CHRNA6: variants seen among roughly 807,000 people sequenced by gnomAD.
The protein encoded by CHRNA6 is neuronal acetylcholine receptor subunit alpha-6.
Under a neutral mutation model 40.9 loss-of-function variants are expected in CHRNA6, and 31 were observed. The ratio of observed to expected loss-of-function variants is 0.76; its 90% CI spans 0.57 to 1.02. CHRNA6 has a LOEUF of 1.02. Ranked by LOEUF, CHRNA6 falls within the 50% of genes least tolerant of loss-of-function variation. The probability of loss-of-function intolerance (pLI) is 0.00; values close to 1 mark genes in which losing one functional copy is unlikely to be tolerated. For missense variants in CHRNA6, 546 were observed against 596.6 expected (o/e 0.92, Z 0.88); for synonymous variants, 222 against 221.3 (o/e 1.00, Z -0.03).
intron 1 of CHRNA6, among the ~76,000 whole-genome samples, chr8:42,766,240 C>T (rs1200476192): frequency 6.6e-6 from 1 of 152,178 alleles, no homozygotes; most frequent in Non-Finnish European, 1.5e-5. Flanking sequence ...CGCCTGTAAT[C>T]TCAGCACTTT....
At chr8:42,757,732 C>CA (rs34358773) in intron 3 of CHRNA6, among the ~76,000 whole-genome samples, 3,368 of 105,142 alleles carry the variant, frequency 0.032, 78 homozygotes, top group Non-Finnish European at 0.053. Flanking sequence ...GACTCTGTCT[C>CA]AAAAAAAAAA....
Position 42,753,239 on chromosome 8 carries a change from A to G in CHRNA6, c.1425T>C (p.Cys475=). 6.2e-7 allele frequency: 1 copy of G among 1,612,248 alleles called. No homozygotes were observed. The change falls in exon 6 of 6, where the codon TGT becomes TGC. Residue 475 remains cysteine, a synonymous_variant. Transcript: ENST00000276410. ...RVFLWVFIIV[C]VFGTAGLFLQ... ...GAAATAGCCCTGCAGTTCCAAATAC[A>G]CAGACAATTATAAATACCCAAAGAA...
intron 1 of CHRNA6, 53 bp downstream of exon 1, chr8:42,768,299 T>C (rs1330304441): frequency 7.1e-7 from 1 of 1,412,266 alleles, no homozygotes; most frequent in African/African-American, 1.4e-5. Context: ...GAAAAGAGAG[T>C]AAACACATGT....
At chr8:42,759,175 G>T in intron 2 of CHRNA6, 62 bp from the exon 3 acceptor site, 1 of 1,312,128 alleles carries the variant, frequency 7.6e-7, no homozygotes, top group Non-Finnish European at 1.1e-6. Context: ...GAGACTTAGA[G>T]CAAAAATTAC....
intron 3 of CHRNA6, among the ~76,000 whole-genome samples, chr8:42,757,964 G>A (rs1047459708): frequency 2.6e-5 from 4 of 151,886 alleles, no homozygotes; most frequent in African/African-American, 9.7e-5. Context: ...GAACCTGGGA[G>A]GCGGAGCTTG....
intron 2 of CHRNA6, among the ~76,000 whole-genome samples, chr8:42,763,162 G>A (rs1816928759): frequency 6.6e-6 from 1 of 152,190 alleles, no homozygotes; most frequent in Admixed American, 6.5e-5. Flanking sequence ...ACTGAGGGAA[G>A]AAGCCACGTG....
Position 42,757,055 on chromosome 8 carries a change from C to A in CHRNA6, c.265-18G>T. ...TTCCAGATCTAAAATAAATAGAAAT[C>A]AGCTTTTAAAATTTCTTAATAACTT... On this transcript the variant is annotated intron_variant, in intron 3 of 5. Transcript: ENST00000276410. 6.3e-7 allele frequency: 1 copy of A among 1,575,614 alleles called. No homozygotes were observed. The highest frequency in any genetic ancestry group is 8.7e-7 in the Non-Finnish European group (1 of 1,145,974).
chr8:42,754,642 G>A (rs1056883372), intron 5 of CHRNA6, among the ~76,000 whole-genome samples: 1 of 152,120 alleles, frequency 6.6e-6, no homozygotes, highest in Non-Finnish European at 1.5e-5. Flanking sequence ...CACTAGGAGC[G>A]ATGGCTGCCA....
rs1193895968 is a variant in CHRNA6 at position 42,757,036 on chromosome 8, A to G, written c.266T>C (p.Ile89Thr). The stretch of plus-strand genomic sequence containing the variant: ...CCAGCGCAATTTATAATCATTCCAG[A>G]TCTAAAATAAATAGAAATCAGCTTT... ...IMETNLWLRH[I>T]WNDYKLRWDP... Residue 89 changes from isoleucine to threonine, a missense_variant and splice_region_variant, in exon 4 of 6, where the codon ATC (isoleucine) becomes ACC (threonine). By Grantham distance (89) the Ile-to-Thr change is moderately conservative. This residue lies in a region of CHRNA6 where 476 missense variants were observed against 494.5 expected (regional missense o/e 0.96). Transcript: ENST00000276410. The G allele has an allele frequency of 1.2e-6, 2 of 1,601,586 alleles. No individual in the cohort carries two copies. Among genetic ancestry groups the G allele is most frequent in the Non-Finnish European group, 1.7e-6 (2 of 1,168,904 alleles).
chr8:42,764,868 A>G (rs963030757), intron 2 of CHRNA6, 197 bp downstream of exon 2: 1 of 585,834 alleles, frequency 1.7e-6, no homozygotes, highest in South Asian at 2.3e-5. Flanking sequence ...CTGGTTCTCA[A>G]AGCACTTCCA....
chr8:42,754,635 T>A (rs1215061566), intron 5 of CHRNA6, among the ~76,000 whole-genome samples: 2 of 152,182 alleles, frequency 1.3e-5, no homozygotes, highest in African/African-American at 4.8e-5. Flanking sequence ...ATCCTTTCAC[T>A]AGGAGCGATG....
intron 3 of CHRNA6, among the ~76,000 whole-genome samples, chr8:42,757,942 G>A (rs901801189): frequency 4.6e-5 from 7 of 151,836 alleles, no homozygotes; most frequent in Admixed American, 3.9e-4. Flanking sequence ...GACTGAGGCA[G>A]GAGAATGGTG....
chr8:42,760,070 C>T (rs1301463607), intron 2 of CHRNA6, among the ~76,000 whole-genome samples: 1 of 152,140 alleles, frequency 6.6e-6, no homozygotes, highest in Non-Finnish European at 1.5e-5. Context: ...GGGAAAAGGT[C>T]CTGCCTTCAT....
intron 1 of CHRNA6, among the ~76,000 whole-genome samples, chr8:42,767,063 G>T (rs961009229): frequency 6.6e-6 from 1 of 152,172 alleles, no homozygotes; most frequent in Middle Eastern, 3.2e-3. Context: ...CGCCTCCCAG[G>T]TTCATGCCAT....
At chr8:42,759,199 C>T in intron 2 of CHRNA6, 86 bp from the exon 3 acceptor site, 1 of 993,214 alleles carries the variant, frequency 1.0e-6, no homozygotes, top group South Asian at 1.3e-5. Flanking sequence ...TAAAAAGAAC[C>T]AAATCTGACT....
intron 5 of CHRNA6, among the ~76,000 whole-genome samples, chr8:42,753,589 G>A (rs960999150): frequency 6.6e-6 from 1 of 152,156 alleles, no homozygotes; most frequent in Admixed American, 6.6e-5. Context: ...CAAGAGAATC[G>A]CTTAAACCTG....
At chr8:42,762,429 A>G (rs936831738) in intron 2 of CHRNA6, among the ~76,000 whole-genome samples, 1 of 152,292 alleles carries the variant, frequency 6.6e-6, no homozygotes, top group African/African-American at 2.4e-5. Context: ...TGGGCAGATC[A>G]CTTGAGGTCA....
At chr8:42,754,669 G>A (rs568653515) in intron 5 of CHRNA6, among the ~76,000 whole-genome samples, 25 of 152,152 alleles carry the variant, frequency 1.6e-4, no homozygotes, top group Non-Finnish European at 2.8e-4. Context: ...GCAGTCCGAG[G>A]TCAAACCTAG....
rs1816741022 is a variant in CHRNA6, at chr8:42,752,863, T to C, written c.*316A>G. 4.6e-6 allele frequency: 1 copy of C among 219,172 alleles called. No homozygotes were observed. The highest frequency in any genetic ancestry group is 2.3e-5 in the African/African-American group (1 of 42,782). 13.6% of individuals were successfully genotyped at this position (219,172 alleles called of 1,614,324 possible). On this transcript the variant is annotated 3_prime_UTR_variant, in exon 6 of 6. Coordinates refer to ENST00000276410, the MANE Select transcript of CHRNA6 (RefSeq NM_004198.3). Reference sequence around the variant, plus strand: ...TTAGTGTGGCTTGATGTTAATTACATAATTAGGCTGTATTGTAAGTCATTC... The same window carrying C: ...TTAGTGTGGCTTGATGTTAATTACACAATTAGGCTGTATTGTAAGTCATTC...
Sources: allele counts gnomAD v4.1 joint callset (sites outside exome capture counted in the v4.1 genomes callset), GRCh38; gene constraint gnomAD v4.1.1; regional missense constraint gnomAD v4.1.1; transcripts MANE v1.5; gene names NCBI Gene and HGNC (gene_info 2026-07-23, HGNC 2026-07-21).